ULK4: variants seen among roughly 807,000 people sequenced by gnomAD.
The protein encoded by ULK4 is inactive serine/threonine-protein kinase ULK4.
In ULK4, 133 loss-of-function variants were observed where a neutral mutation model predicts 160.6. The ratio of observed to expected loss-of-function variants is 0.83; its 90% CI spans 0.72 to 0.96. The LOEUF is 0.96. Among genes scored for constraint, ULK4 ranks in the 40% least tolerant of loss-of-function variants. The pLI is 0.00. For missense variants in ULK4, 1,580 were observed against 1,499.5 expected (o/e 1.05, Z -0.89); for synonymous variants, 534 against 539.8 (o/e 0.99, Z 0.15).
rs1553628510 is a variant in ULK4 at position 41,657,818 on chromosome 3, T to TAAAAAAAAAAAAAC, written c.3071+5788_3071+5789insGTTTTTTTTTTTTT. Among the ~76,000 whole-genome samples, 52 of 99,728 alleles carry TAAAAAAAAAAAAAC rather than the reference T, an allele frequency of 5.2e-4. 2 individuals carry two copies. Among genetic ancestry groups the TAAAAAAAAAAAAAC allele is most frequent in the Admixed American group, 1.3e-3 (13 of 9,800 alleles). The allele number at this position is 99,728 out of a possible 152,430, so 65.4% of individuals were successfully genotyped here. A position where few individuals can be genotyped will look rare whatever the true frequency, so the allele number is the denominator to read the frequency against. ...GTGACAAAGCGAGACTCCATCTCAT[T>TAAAAAAAAAAAAAC]AAAAAAAAAAAAAAAAACACACACC... is the stretch of plus-strand genomic sequence containing the variant. On this transcript the variant is annotated intron_variant, in intron 30 of 36. Transcript: ENST00000301831.
At chr3:41,497,360 A>G (rs555911073) in intron 32 of ULK4, among the ~76,000 whole-genome samples, 14 of 152,252 alleles carry the variant, frequency 9.2e-5, no homozygotes, top group Non-Finnish European at 1.5e-4. Context: ...TTTTAAAAAC[A>G]GAGATTCAAT....
chr3:41,859,361 G>A, intron 17 of ULK4: 3 of 586,930 alleles, frequency 5.1e-6, no homozygotes, highest in South Asian at 2.8e-5. Flanking sequence ...CAAGGCCAAT[G>A]ATGCTTCAGA....
intron 35 of ULK4, among the ~76,000 whole-genome samples, chr3:41,263,610 A>G (rs1037628261): frequency 1.1e-4 from 17 of 152,228 alleles, no homozygotes; most frequent in African/African-American, 3.9e-4. Flanking sequence ...AAAACACACA[A>G]TATAAAAACA....
chr3:41,924,028 C>A (rs1699291033), intron 5 of ULK4, among the ~76,000 whole-genome samples: 1 of 152,134 alleles, frequency 6.6e-6, no homozygotes, highest in Admixed American at 6.6e-5. Context: ...CTGAAGGTTA[C>A]AAAGAAGCAA....
At chr3:41,945,435 T>A (rs1212715842) in intron 2 of ULK4, among the ~76,000 whole-genome samples, 2 of 152,096 alleles carry the variant, frequency 1.3e-5, no homozygotes, top group Non-Finnish European at 2.9e-5. Flanking sequence ...CCAGAATGGG[T>A]GATAAGCAAA....
chr3:41,692,797 G>T (rs1441039733), intron 27 of ULK4, among the ~76,000 whole-genome samples: 2 of 152,106 alleles, frequency 1.3e-5, no homozygotes, highest in African/African-American at 4.8e-5. Context: ...TTTGAAAATG[G>T]AAATTCCTAA....
At chr3:41,662,975 C>T (rs953679886) in intron 30 of ULK4, among the ~76,000 whole-genome samples, 1 of 151,736 alleles carries the variant, frequency 6.6e-6, no homozygotes, top group Non-Finnish European at 1.5e-5. Context: ...AATCCCAGCA[C>T]TTTGGGAGGC....
Position 41,417,516 on chromosome 3 carries a change from C to T in ULK4, c.3493-19252G>A, listed in dbSNP as rs140576090. On this transcript the variant is annotated intron_variant, in intron 34 of 36. Transcript: ENST00000301831. ...GGGGTTAGCCTAGTATAGGGGAAAA[C>T]ACATCTCTGAGCAGTAAGGCTCCCC... is the stretch of plus-strand genomic sequence containing the variant. 6.1e-3 allele frequency among the ~76,000 whole-genome samples: 921 copies of T among 152,228 alleles called. 6 individuals are homozygous for T. Among genetic ancestry groups the T allele is most frequent in the Non-Finnish European group, 0.011 (722 of 68,010 alleles).
At chr3:41,525,565 G>A (rs2086085548) in intron 32 of ULK4, among the ~76,000 whole-genome samples, 1 of 152,134 alleles carries the variant, frequency 6.6e-6, no homozygotes. Flanking sequence ...CCCTTTCCAG[G>A]CAGCTTTCAC....
chr3:41,251,462 A>G (rs1297250370), intron 35 of ULK4, among the ~76,000 whole-genome samples: 1 of 152,222 alleles, frequency 6.6e-6, no homozygotes, highest in African/African-American at 2.4e-5. Context: ...GCAACAGGTA[A>G]ATAGGAGAGG....
intron 32 of ULK4, among the ~76,000 whole-genome samples, chr3:41,486,363 T>A (rs9865628): frequency 0.41 from 62,281 of 151,950 alleles, 12,947 homozygotes; most frequent in African/African-American, 0.43. Flanking sequence ...AACCCATCAA[T>A]GAACATTAAA....
At chr3:41,450,751 T>C (rs997370487) in intron 34 of ULK4, among the ~76,000 whole-genome samples, 4 of 152,236 alleles carry the variant, frequency 2.6e-5, no homozygotes, top group African/African-American at 9.6e-5. Flanking sequence ...AGGTCCTCAA[T>C]AGCCTTATTA....
chr3:41,871,627 A>G (rs1443624802), intron 17 of ULK4, among the ~76,000 whole-genome samples: 1 of 152,220 alleles, frequency 6.6e-6, no homozygotes, highest in Non-Finnish European at 1.5e-5. Context: ...GTACTCATCT[A>G]CTATTCATAT....
chr3:41,278,794 C>T (rs531459440), intron 35 of ULK4, among the ~76,000 whole-genome samples: 1 of 152,286 alleles, frequency 6.6e-6, no homozygotes, highest in African/African-American at 2.4e-5. Flanking sequence ...ACCCATAGGT[C>T]ACCAACATCA....
chr3:41,530,016 C>T (rs1311844353), intron 32 of ULK4, among the ~76,000 whole-genome samples: 1 of 152,000 alleles, frequency 6.6e-6, no homozygotes, highest in Non-Finnish European at 1.5e-5. Flanking sequence ...GGATTTTTTG[C>T]AGAGATGAAA....
At chr3:41,642,969 G>T (rs568237730) in intron 30 of ULK4, among the ~76,000 whole-genome samples, 20 of 152,220 alleles carry the variant, frequency 1.3e-4, no homozygotes, top group African/African-American at 3.6e-4. Context: ...TCATGTGTCT[G>T]TTGGCTGCAT....
At chr3:41,528,026 C>T (rs1172876558) in intron 32 of ULK4, among the ~76,000 whole-genome samples, 1 of 152,134 alleles carries the variant, frequency 6.6e-6, no homozygotes, top group African/African-American at 2.4e-5. Flanking sequence ...GGACAATTAT[C>T]CACTACAGAA....
chr3:41,324,291 A>T (rs1434947099), intron 35 of ULK4, among the ~76,000 whole-genome samples: 3 of 152,206 alleles, frequency 2.0e-5, no homozygotes, highest in Non-Finnish European at 1.5e-5. Flanking sequence ...GTTGTCTGCA[A>T]ATAAGAAAGC....
chr3:41,907,814 T>C (rs1698625067), intron 12 of ULK4, 31 bp downstream of exon 12: 3 of 1,430,508 alleles, frequency 2.1e-6, no homozygotes, highest in Admixed American at 2.3e-5. Flanking sequence ...CTACATCTTA[T>C]GTAGGAAGAA....
Sources: allele counts gnomAD v4.1 joint callset (sites outside exome capture counted in the v4.1 genomes callset), GRCh38; gene constraint gnomAD v4.1.1; transcripts MANE v1.5; gene names NCBI Gene and HGNC (gene_info 2026-07-23, HGNC 2026-07-21).